DOCK4: variants seen among roughly 807,000 people sequenced by gnomAD.
DOCK4 encodes dedicator of cytokinesis 4, also known as dedicator of cytokinesis protein 4.
DOCK4 carries 97 observed loss-of-function variants against 268.1 expected under a neutral mutation model. The observed-to-expected ratio is 0.36, with a 90% CI of 0.31 to 0.43. The LOEUF (loss-of-function observed/expected upper bound fraction) is 0.43, where lower values mean the gene tolerates loss of function less well. DOCK4 is among the 20% of genes least tolerant of loss of function. The probability of loss-of-function intolerance (pLI) is 1.00; values close to 1 mark genes in which losing one functional copy is unlikely to be tolerated. For synonymous variants in DOCK4, 954 were observed against 887.2 expected (o/e 1.08, Z -1.34); for missense variants, 2,145 against 2,455.7 (o/e 0.87, Z 2.67).
At chr7:112,058,483 T>C (rs960622921) in intron 1 of DOCK4, among the ~76,000 whole-genome samples, 1 of 152,212 alleles carries the variant, frequency 6.6e-6, no homozygotes, top group Non-Finnish European at 1.5e-5. Flanking sequence ...GATATGTCTT[T>C]CCAGCCCTCT....
At chr7:112,041,124 G>A (rs1388507221) in intron 1 of DOCK4, among the ~76,000 whole-genome samples, 3 of 152,098 alleles carry the variant, frequency 2.0e-5, no homozygotes, top group Non-Finnish European at 4.4e-5. Context: ...GGGAAATACT[G>A]TTGAACACTA....
chr7:111,727,420 G>T lies in DOCK4; in HGVS notation c.*854C>A, dbSNP rs1174895781. ...TGTCTGTATTGATTCCTGAATTCTT[G>T]CTAATGGGGCACAGTCATTTGTGCC... On this transcript the variant is annotated 3_prime_UTR_variant, in exon 53 of 53. Transcript: ENST00000428084. 2.6e-5 allele frequency: 4 copies of T among 151,956 alleles called. No homozygotes were observed. Among genetic ancestry groups the T allele is most frequent in the African/African-American group, 9.7e-5 (4 of 41,182 alleles). The allele number at this position is 151,956 out of a possible 1,614,324, so 9.4% of individuals were successfully genotyped here.
intron 1 of DOCK4, among the ~76,000 whole-genome samples, chr7:112,080,604 C>T (rs1036095950): frequency 3.3e-5 from 5 of 152,170 alleles, no homozygotes; most frequent in Non-Finnish European, 7.4e-5. Flanking sequence ...TGGTTGGCTA[C>T]GCACTTGTGA....
chr7:111,747,384 C>T lies in DOCK4; in HGVS notation c.4476G>A (p.Leu1492=). ...TCTGACACTGACTAATCAGAGTCTT[C>T]AGCTGCTGATTCTTATTTTCTAGCA... ...IEVLENKNQQ[L]KTLISQCQTR... Residue 1492 remains leucine, a synonymous_variant, in exon 43 of 53, where the codon CTG becomes CTA. Transcript: ENST00000428084. 1 of 1,612,614 alleles carries T rather than the reference C, an allele frequency of 6.2e-7. No individual in the cohort carries two copies.
intron 1 of DOCK4, among the ~76,000 whole-genome samples, chr7:112,132,236 T>C (rs1003592460): frequency 1.3e-5 from 2 of 152,086 alleles, no homozygotes; most frequent in Non-Finnish European, 2.9e-5. Context: ...TAGTCTTAAC[T>C]ACAGGGATTG....
At chr7:112,076,931 C>G (rs893765521) in intron 1 of DOCK4, among the ~76,000 whole-genome samples, 4 of 150,706 alleles carry the variant, frequency 2.7e-5, no homozygotes, top group Non-Finnish European at 5.9e-5. Flanking sequence ...AAACAAAGAT[C>G]GCATCATTTG....
intron 30 of DOCK4, among the ~76,000 whole-genome samples, chr7:111,804,290 G>A (rs1800508660): frequency 6.6e-6 from 1 of 152,174 alleles, no homozygotes; most frequent in South Asian, 2.1e-4. Context: ...ATTACAACAT[G>A]AATGAATCTT....
At chr7:112,057,007 T>C (rs1805874366) in intron 1 of DOCK4, among the ~76,000 whole-genome samples, 2 of 152,186 alleles carry the variant, frequency 1.3e-5, no homozygotes, top group Admixed American at 6.5e-5. Context: ...CTGTATACTT[T>C]AAAATGGTTG....
chr7:112,102,590 T>C (rs1421294831), intron 1 of DOCK4, among the ~76,000 whole-genome samples: 1 of 152,188 alleles, frequency 6.6e-6, no homozygotes, highest in African/African-American at 2.4e-5. Context: ...CCCATAAAAC[T>C]GACCCCAGAG....
At chr7:111,827,237 C>A (rs577192713) in intron 26 of DOCK4, among the ~76,000 whole-genome samples, 5 of 152,084 alleles carry the variant, frequency 3.3e-5, no homozygotes, top group Non-Finnish European at 7.4e-5. Context: ...AAGTATCTTA[C>A]GCAAAATAAC....
rs750926729 is a variant in DOCK4, at chr7:111,735,180, A to G, written c.5306-13T>C. 1 of 1,536,750 alleles carries G rather than the reference A, an allele frequency of 6.5e-7. No individual in the cohort carries two copies. The highest frequency in any genetic ancestry group is 1.2e-5 in the South Asian group (1 of 82,176). On this transcript the variant is annotated splice_polypyrimidine_tract_variant and intron_variant, in intron 50 of 52. Coordinates refer to ENST00000428084, the MANE Select transcript of DOCK4 (RefSeq NM_001363540.2). ...GTGGGGTTCACAGCTGGAAGGGAAT[A>G]ACACAGCTAAAAACACACGGTCCAG... is the stretch of plus-strand genomic sequence containing the variant.
chr7:111,783,344 T>C lies in DOCK4; in HGVS notation c.3525-420A>G, dbSNP rs551910732. 2.6e-5 allele frequency among the ~76,000 whole-genome samples: 4 copies of C among 152,268 alleles called. No homozygotes were observed. The South Asian group carries it at 6.2e-4, about 24-fold the overall frequency. On this transcript the variant is annotated intron_variant, in intron 34 of 52. Transcript: ENST00000428084. Reference sequence around the variant, plus strand: ...TTCCTAAAATAAAACCAAACTACCATGTATTTAAGTGGGATTAACTACTTT... The same window carrying C: ...TTCCTAAAATAAAACCAAACTACCACGTATTTAAGTGGGATTAACTACTTT...
chr7:112,067,239 ACTT>A (rs2135643597), intron 1 of DOCK4, among the ~76,000 whole-genome samples: 1 of 141,848 alleles, frequency 7.0e-6, no homozygotes, highest in African/African-American at 2.9e-5. Flanking sequence ...AAACACCTTT[ACTT>A]AAAAAAAAAA....
Position 111,983,862 on chromosome 7 carries a change from G to GCGCGCGCACACACACACACACACA in DOCK4, c.549+443_549+444insTGTGTGTGTGTGTGTGTGCGCGCG. Among the ~76,000 whole-genome samples, 656 of 138,536 alleles carry GCGCGCGCACACACACACACACACA rather than the reference G, an allele frequency of 4.7e-3. 7 individuals carry two copies. Among genetic ancestry groups the GCGCGCGCACACACACACACACACA allele is most frequent in the African/African-American group, 0.018 (622 of 35,408 alleles). 90.9% of individuals were successfully genotyped at this position (138,536 alleles called of 152,430 possible). ...CACACACACGCGCGCGCGCGCGCGC[G>GCGCGCGCACACACACACACACACA]CACACACACACACACACACACACAC... On this transcript the variant is annotated intron_variant, in intron 7 of 52. Transcript: ENST00000428084.
intron 34 of DOCK4, 69 bp from the exon 35 acceptor site, chr7:111,782,993 T>TG: frequency 1.5e-6 from 2 of 1,302,478 alleles, no homozygotes; most frequent in Non-Finnish European, 2.1e-6. Context: ...TTGTTCTTTT[T>TG]GGGGGAAAAA....
intron 1 of DOCK4, among the ~76,000 whole-genome samples, chr7:112,125,245 G>T (rs1280153879): frequency 6.6e-6 from 1 of 152,018 alleles, no homozygotes; most frequent in African/African-American, 2.4e-5. Flanking sequence ...CTCCCCCCCT[G>T]CCCCATCAGG....
chr7:111,731,310 C>G (rs926255058), intron 52 of DOCK4, among the ~76,000 whole-genome samples: 1 of 152,204 alleles, frequency 6.6e-6, no homozygotes, highest in East Asian at 1.9e-4. Context: ...ATCGTTAGCA[C>G]CACAGATGCA....
intron 3 of DOCK4, among the ~76,000 whole-genome samples, chr7:111,999,657 A>G (rs1273777564): frequency 6.6e-6 from 1 of 152,066 alleles, no homozygotes; most frequent in Non-Finnish European, 1.5e-5. Flanking sequence ...CCTAAAATAC[A>G]TGAAGTAATT....
intron 46 of DOCK4, 64 bp downstream of exon 46, chr7:111,741,476 A>G: frequency 6.3e-7 from 1 of 1,579,104 alleles, no homozygotes; most frequent in East Asian, 2.2e-5. Flanking sequence ...AAAGAATGAG[A>G]GAACCATTCC....
Sources: gnomAD v4.1 joint callset for allele counts (sites outside exome capture counted in the v4.1 genomes callset) on GRCh38, gnomAD v4.1.1 for gene constraint, MANE v1.5 for transcripts, NCBI Gene and HGNC (gene_info 2026-07-23, HGNC 2026-07-21) for gene names.